Variants in RIMS1 observed in about 807,000 individuals in gnomAD.
The protein encoded by RIMS1 is regulating synaptic membrane exocytosis 1, also known as regulating synaptic membrane exocytosis protein 1.
RIMS1 carries 83 observed loss-of-function variants against 214.1 expected under a neutral mutation model. That is an observed-to-expected ratio of 0.39 (90% CI 0.32 to 0.47). The LOEUF is 0.47. Among genes scored for constraint, RIMS1 ranks in the 20% least tolerant of loss-of-function variants. The pLI, the probability that RIMS1 is intolerant of heterozygous loss-of-function variation, is 0.99. For synonymous variants in RIMS1, 793 were observed against 786.8 expected (o/e 1.01, Z -0.13); for missense variants, 2,050 against 2,161.8 (o/e 0.95, Z 1.03).
intron 4 of RIMS1, among the ~76,000 whole-genome samples, chr6:72,145,738 C>T (rs1386007124): frequency 6.6e-6 from 1 of 152,192 alleles, no homozygotes; most frequent in East Asian, 1.9e-4. Flanking sequence ...GCAAGTCAAG[C>T]TTGATTCCTT....
chr6:72,351,088 C>T (rs2097430304), intron 29 of RIMS1, among the ~76,000 whole-genome samples: 1 of 151,734 alleles, frequency 6.6e-6, no homozygotes, highest in African/African-American at 2.4e-5. Flanking sequence ...TATTTATATA[C>T]ATGGTATATG....
intron 10 of RIMS1, among the ~76,000 whole-genome samples, chr6:72,243,723 T>C (rs2068045938): frequency 6.6e-6 from 1 of 151,722 alleles, no homozygotes; most frequent in Non-Finnish European, 1.5e-5. Context: ...TAAAGTAGAC[T>C]GGAATAACAT....
At chr6:72,286,494 T>G (rs1261074750) in intron 24 of RIMS1, among the ~76,000 whole-genome samples, 5 of 152,238 alleles carry the variant, frequency 3.3e-5, no homozygotes, top group Non-Finnish European at 7.3e-5. Context: ...CTCTTGCCTT[T>G]CCTTTGCTTA....
Position 72,182,712 on chromosome 6 carries a change from C to A in RIMS1, c.1241C>A (p.Pro414Gln). 6.6e-7 allele frequency: 1 copy of A among 1,513,994 alleles called. No individual in the cohort carries two copies. The highest frequency in any genetic ancestry group is 1.2e-5 in the South Asian group (1 of 80,398). 93.8% of individuals were successfully genotyped at this position (1,513,994 alleles called of 1,614,324 possible). A position where few individuals can be genotyped will look rare whatever the true frequency, so the allele number is the denominator to read the frequency against. The change falls in exon 6 of 34, where the codon CCG (proline) becomes CAG (glutamine). Residue 414 changes from proline to glutamine, a missense_variant. Transcript: ENST00000521978. ...LPEGKAGKRA[P>Q]AAARASPPDS... Reference sequence around the variant, plus strand: ...GAGGGCAAGGCCGGCAAACGCGCGCCGGCGGCAGCCAGGGCCTCGCCGCCG... The same window carrying A: ...GAGGGCAAGGCCGGCAAACGCGCGCAGGCGGCAGCCAGGGCCTCGCCGCCG...
chr6:72,215,811 T>C (rs1269730265), intron 6 of RIMS1, among the ~76,000 whole-genome samples: 2 of 152,230 alleles, frequency 1.3e-5, no homozygotes, highest in African/African-American at 4.8e-5. Context: ...AAATTAGTCA[T>C]TTCATTTAAG....
intron 2 of RIMS1, among the ~76,000 whole-genome samples, chr6:72,031,052 T>C (rs994339109): frequency 2.0e-5 from 3 of 152,116 alleles, no homozygotes; most frequent in Admixed American, 6.6e-5. Flanking sequence ...GTAAAATAAA[T>C]ACAACACATG....
intron 22 of RIMS1, 117 bp from the exon 23 acceptor site, chr6:72,274,232 A>G: frequency 1.7e-6 from 1 of 579,284 alleles, no homozygotes; most frequent in Non-Finnish European, 3.1e-6. Context: ...TATGGAGCAA[A>G]GAATCTACAC....
At chr6:72,005,402 G>T (rs2151781528) in intron 2 of RIMS1, among the ~76,000 whole-genome samples, 1 of 152,238 alleles carries the variant, frequency 6.6e-6, no homozygotes, top group South Asian at 2.1e-4. Context: ...TTCCAATTCT[G>T]TGAAGAAAGT....
intron 26 of RIMS1, among the ~76,000 whole-genome samples, chr6:72,304,538 T>A (rs2094954598): frequency 6.6e-6 from 1 of 151,860 alleles, no homozygotes; most frequent in Admixed American, 6.6e-5. Context: ...TAAATTTGTC[T>A]TAATATTTGG....
intron 29 of RIMS1, chr6:72,366,723 A>G: frequency 1.0e-6 from 1 of 985,854 alleles, no homozygotes; most frequent in Non-Finnish European, 1.2e-6. Flanking sequence ...AGAGAGACAG[A>G]GAAGACAGTT....
At chr6:72,343,640 G>A (rs1421651922) in intron 29 of RIMS1, among the ~76,000 whole-genome samples, 1 of 149,544 alleles carries the variant, frequency 6.7e-6, no homozygotes, top group Non-Finnish European at 1.5e-5. Context: ...GCTCTAAATG[G>A]CTTTTTATTT....
chr6:72,063,368 C>T (rs1469121054), intron 2 of RIMS1, among the ~76,000 whole-genome samples: 5 of 152,242 alleles, frequency 3.3e-5, no homozygotes, highest in East Asian at 1.9e-4. Context: ...AGGAAGGGAA[C>T]GTGGGAGGGA....
chr6:72,289,099 A>G (rs1004064489), intron 24 of RIMS1, among the ~76,000 whole-genome samples: 3 of 152,200 alleles, frequency 2.0e-5, no homozygotes, highest in Non-Finnish European at 4.4e-5. Flanking sequence ...TTTACATTTC[A>G]AGTCACATTT....
intron 4 of RIMS1, among the ~76,000 whole-genome samples, chr6:72,117,443 A>T (rs1389574398): frequency 1.3e-5 from 2 of 151,770 alleles, no homozygotes; most frequent in African/African-American, 4.8e-5. Context: ...TCTCTTGATG[A>T]TCTGTCTAGT....
chr6:72,007,492 G>A (rs1808252592), intron 2 of RIMS1, among the ~76,000 whole-genome samples: 2 of 152,232 alleles, frequency 1.3e-5, no homozygotes, highest in Admixed American at 1.3e-4. Context: ...TTGACGAGCT[G>A]AGAGAAGAAG....
chr6:72,194,067 A>G (rs1294061945), intron 6 of RIMS1, among the ~76,000 whole-genome samples: 1 of 152,196 alleles, frequency 6.6e-6, no homozygotes, highest in Non-Finnish European at 1.5e-5. Context: ...AAGGAGAACT[A>G]CAAAACACCG....
chr6:72,372,667 A>G (rs776179007), intron 29 of RIMS1, among the ~76,000 whole-genome samples: 2 of 152,238 alleles, frequency 1.3e-5, no homozygotes, highest in Non-Finnish European at 2.9e-5. Flanking sequence ...TAGGTTTGCA[A>G]ACAAAATCTC....
intron 6 of RIMS1, among the ~76,000 whole-genome samples, chr6:72,184,364 T>C (rs2048805802): frequency 1.3e-5 from 2 of 152,254 alleles, no homozygotes; most frequent in East Asian, 1.9e-4. Context: ...AGGACTATTG[T>C]TGAAAAAGAA....
chr6:71,916,332 A>G (rs1387642519), intron 1 of RIMS1, among the ~76,000 whole-genome samples: 3 of 152,142 alleles, frequency 2.0e-5, no homozygotes, highest in Non-Finnish European at 4.4e-5. Context: ...CAAAAAGATC[A>G]TTTCATTGAT....
Sources: allele counts gnomAD v4.1 joint callset (sites outside exome capture counted in the v4.1 genomes callset), GRCh38; gene constraint gnomAD v4.1.1; transcripts MANE v1.5; gene names NCBI Gene and HGNC (gene_info 2026-07-23, HGNC 2026-07-21).